Variants in KCNIP4 observed in about 807,000 individuals in gnomAD.
KCNIP4 encodes the protein Kv channel-interacting protein 4.
In KCNIP4, 12 loss-of-function variants were observed where a neutral mutation model predicts 34.0. That is an observed-to-expected ratio of 0.35 (90% CI 0.23 to 0.57). KCNIP4 has a LOEUF of 0.57. KCNIP4 is among the 20% of genes least tolerant of loss of function. KCNIP4 has a pLI of 0.83. For missense variants in KCNIP4, 238 were observed against 311.7 expected, an observed-to-expected ratio of 0.76 and a Z score of 1.78; for synonymous variants, 124 against 102.2, an observed-to-expected ratio of 1.21 and a Z score of -1.29.
chr4:21,729,343 C>G (rs898280907), intron 1 of KCNIP4, among the ~76,000 whole-genome samples: 1 of 152,026 alleles, frequency 6.6e-6, no homozygotes, highest in Non-Finnish European at 1.5e-5. Flanking sequence ...TAAAAAGGAA[C>G]AAGGAATACA....
chr4:20,879,027 C>G (rs796765497), intron 2 of KCNIP4, among the ~76,000 whole-genome samples: 1 of 151,882 alleles, frequency 6.6e-6, no homozygotes, highest in East Asian at 1.9e-4. Context: ...TGATATAAGA[C>G]GCTCAGAGTG....
chr4:21,852,023 T>G (rs1724444414), intron 1 of KCNIP4: 1 of 126,806 alleles, frequency 7.9e-6, no homozygotes, highest in African/African-American at 2.9e-5. Context: ...TGTGTGTGTG[T>G]GTGTGTGTGT....
chr4:21,047,944 GC>G (rs750140291), intron 1 of KCNIP4, among the ~76,000 whole-genome samples: 5 of 152,130 alleles, frequency 3.3e-5, no homozygotes, highest in Non-Finnish European at 7.4e-5. Flanking sequence ...CAGTCCATCT[GC>G]AACTCCCCCA....
At chr4:21,440,613 TG>T (rs1451826688) in intron 1 of KCNIP4, among the ~76,000 whole-genome samples, 1 of 152,246 alleles carries the variant, frequency 6.6e-6, no homozygotes, top group Non-Finnish European at 1.5e-5. Context: ...CGGATGGAAC[TG>T]TTCATTTTCA....
At chr4:21,028,860 A>G (rs957524436) in intron 1 of KCNIP4, among the ~76,000 whole-genome samples, 2 of 152,224 alleles carry the variant, frequency 1.3e-5, no homozygotes, top group African/African-American at 4.8e-5. Flanking sequence ...ATGCAAGATC[A>G]TTCCAACCAA....
chr4:21,745,024 A>G (rs1716676666), intron 1 of KCNIP4, among the ~76,000 whole-genome samples: 1 of 152,226 alleles, frequency 6.6e-6, no homozygotes, highest in Admixed American at 6.5e-5. Flanking sequence ...CAGCAAAGAA[A>G]CAAAAAACAG....
At chr4:21,335,698 C>G (rs1208865866) in intron 1 of KCNIP4, among the ~76,000 whole-genome samples, 1 of 152,154 alleles carries the variant, frequency 6.6e-6, no homozygotes, top group Non-Finnish European at 1.5e-5. Flanking sequence ...AGTCACCTCA[C>G]TGGATTTACA....
chr4:21,248,008 C>A (rs1039313218), intron 1 of KCNIP4, among the ~76,000 whole-genome samples: 1 of 135,946 alleles, frequency 7.4e-6, no homozygotes, highest in Non-Finnish European at 1.6e-5. Context: ...CACACACCCC[C>A]CACAGGTGGA....
chr4:21,363,219 T>C (rs533578002), intron 1 of KCNIP4, among the ~76,000 whole-genome samples: 2 of 152,188 alleles, frequency 1.3e-5, no homozygotes, highest in Non-Finnish European at 2.9e-5. Flanking sequence ...TTTCCATCCC[T>C]CTGGCCTTTG....
intron 1 of KCNIP4, among the ~76,000 whole-genome samples, chr4:21,528,905 A>C (rs540638791): frequency 6.6e-6 from 1 of 152,024 alleles, no homozygotes; most frequent in African/African-American, 2.4e-5. Context: ...GGCAAACACT[A>C]CAGCTAAGCT....
intron 1 of KCNIP4, among the ~76,000 whole-genome samples, chr4:21,551,369 A>G (rs576717026): frequency 5.3e-5 from 8 of 152,070 alleles, no homozygotes; most frequent in Admixed American, 6.6e-5. Context: ...CACACTGAAT[A>G]ACTGTAATTT....
At chr4:21,570,698 G>A (rs1740298110) in intron 1 of KCNIP4, among the ~76,000 whole-genome samples, 1 of 152,036 alleles carries the variant, frequency 6.6e-6, no homozygotes, top group African/African-American at 2.4e-5. Flanking sequence ...AGGGTTTATA[G>A]AATAGATTCA....
chr4:21,240,198 G>A (rs1171594286), intron 1 of KCNIP4, among the ~76,000 whole-genome samples: 2 of 132,316 alleles, frequency 1.5e-5, no homozygotes, highest in Non-Finnish European at 1.6e-5. Flanking sequence ...CACAGGAAGA[G>A]GAACATCACA....
chr4:20,785,719 G>C (rs1026089061), intron 3 of KCNIP4, among the ~76,000 whole-genome samples: 2 of 152,030 alleles, frequency 1.3e-5, no homozygotes, highest in African/African-American at 4.8e-5. Flanking sequence ...AGGATAGAAA[G>C]TAATTAATGA....
chr4:21,910,974 A>T (rs960909985), intron 1 of KCNIP4, among the ~76,000 whole-genome samples: 1 of 152,236 alleles, frequency 6.6e-6, no homozygotes, highest in Admixed American at 6.5e-5. Context: ...TTTTTAAAAT[A>T]GCTATTCCAA....
chr4:21,278,528 TC>T (rs1162888538), intron 1 of KCNIP4, among the ~76,000 whole-genome samples: 1 of 152,204 alleles, frequency 6.6e-6, no homozygotes, highest in African/African-American at 2.4e-5. Context: ...ATTATCTCCT[TC>T]TTTTTTATGG....
At chr4:20,769,755 G>C (rs1755712629) in intron 3 of KCNIP4, among the ~76,000 whole-genome samples, 1 of 152,128 alleles carries the variant, frequency 6.6e-6, no homozygotes, top group African/African-American at 2.4e-5. Flanking sequence ...TGAGGTTGTT[G>C]GTAGAATTCA....
At position 21,055,702 on chromosome 4, in the gene KCNIP4, C is replaced by T. The variant is rs138475781; in HGVS notation, c.62-172993G>A. ...GAAGACAGTCTGAAAGGGTTGCATA[C>T]TGTGTGCTTCCAACTGTAATACATT... On this transcript the variant is annotated intron_variant, in intron 1 of 8. Transcript: ENST00000382152. 7.9e-3 allele frequency among the ~76,000 whole-genome samples: 1,204 copies of T among 152,260 alleles called. 10 individuals carry two copies. Among genetic ancestry groups the T allele is most frequent in the Non-Finnish European group, 0.01 (708 of 68,024 alleles).
intron 1 of KCNIP4, among the ~76,000 whole-genome samples, chr4:21,635,759 T>C (rs2109218537): frequency 6.6e-6 from 1 of 152,274 alleles, no homozygotes; most frequent in South Asian, 2.1e-4. Context: ...GAACTGGAAA[T>C]ACCATTTGAT....
Sources: gnomAD v4.1 joint callset for allele counts (sites outside exome capture counted in the v4.1 genomes callset) on GRCh38, gnomAD v4.1.1 for gene constraint, MANE v1.5 for transcripts, NCBI Gene and HGNC (gene_info 2026-07-23, HGNC 2026-07-21) for gene names.